The following PLEKHA4 variants were observed in gnomAD, a reference collection of about 807,000 sequenced individuals.
PLEKHA4 encodes the protein pleckstrin homology domain-containing family A member 4.
A neutral mutation model predicts 94.7 loss-of-function variants in PLEKHA4; 73 were observed. That is an observed-to-expected ratio of 0.77 (90% CI 0.64 to 0.94). The LOEUF is 0.94. Among genes scored for constraint, PLEKHA4 ranks in the 40% least tolerant of loss-of-function variants. The pLI is 0.00. For synonymous variants in PLEKHA4, 449 were observed against 437.1 expected (o/e 1.03, Z -0.34); for missense variants, 1,049 against 1,054.1 (o/e 1.00, Z 0.07).
chr19:48,858,849 T>C lies in PLEKHA4; in HGVS notation c.972+11A>G. ...GAAACGTAGTCCCCTCCTTCTCACC[T>C]CTCTGCTCACCTGTGTTCTGGGCTC... On this transcript the variant is annotated intron_variant, in intron 8 of 19. Transcript: ENST00000263265. The C allele has an allele frequency of 1.2e-6, 2 of 1,613,166 alleles. No individual in the cohort carries two copies. Among genetic ancestry groups the C allele is most frequent in the Non-Finnish European group, 1.7e-6 (2 of 1,179,730 alleles).
At chr19:48,862,985 G>A (rs2036701535) in intron 3 of PLEKHA4, among the ~76,000 whole-genome samples, 1 of 152,180 alleles carries the variant, frequency 6.6e-6, no homozygotes, top group African/African-American at 2.4e-5. Flanking sequence ...TGGAGCCTGA[G>A]ACACAGAGAG....
At chr19:48,861,549 A>G (rs2036640380) in intron 4 of PLEKHA4, 48 bp from the exon 5 acceptor site, 23 of 1,612,838 alleles carry the variant, frequency 1.4e-5, no homozygotes, top group Non-Finnish European at 1.9e-5. Flanking sequence ...TCAGAAGGCC[A>G]AGATGCTAGA....
chr19:48,861,068 C>G (rs1310689638), intron 5 of PLEKHA4, among the ~76,000 whole-genome samples: 1 of 151,908 alleles, frequency 6.6e-6, no homozygotes, highest in South Asian at 2.1e-4. Context: ...ATTAGCCAGG[C>G]GTGGTGGCGT....
intron 6 of PLEKHA4, 167 bp downstream of exon 6, chr19:48,860,183 T>C (rs1055943068): frequency 4.9e-6 from 3 of 612,670 alleles, no homozygotes; most frequent in Non-Finnish European, 8.6e-6. Flanking sequence ...GAAAGACTTT[T>C]GCTGATTGGA....
chr19:48,865,773 C>T lies in PLEKHA4; in HGVS notation c.85-163G>A, dbSNP rs796777717. Among the ~76,000 whole-genome samples, 69 of 152,036 alleles carry T rather than the reference C, an allele frequency of 4.5e-4. 1 individual carries two copies. The highest frequency in any genetic ancestry group is 1.2e-3 in the African/African-American group (49 of 41,482). ...CTCACACCTGTAATCCCAGCACTTT[C>T]GGAGGCTGAGACGGGTGGATCACGA... is the stretch of plus-strand genomic sequence containing the variant. On this transcript the variant is annotated intron_variant, in intron 2 of 19. Coordinates refer to ENST00000263265, the MANE Select transcript of PLEKHA4 (RefSeq NM_020904.3).
In PLEKHA4 at chr19:48,861,688, C is replaced by A. The variant is rs2036648073; in HGVS notation, c.197G>T (p.Ser66Ile). 1 of 1,613,686 alleles carries A rather than the reference C, an allele frequency of 6.2e-7. No individual in the cohort carries two copies. The highest frequency in any genetic ancestry group is 1.1e-5 in the South Asian group (1 of 91,066). Reference protein sequence around the residue: ...HIRGWLHKQDSSGLRLWKRRW... With the variant: ...HIRGWLHKQDISGLRLWKRRW... ...GCGTTTCCAGAGACGGAGCCCCGAG[C>A]TGTCCTGGGGAGAGAGATGGGAGGA... is the stretch of plus-strand genomic sequence containing the variant. The change falls in exon 4 of 20, where the codon AGC becomes ATC. Residue 66 changes from serine to isoleucine, a missense_variant. Coordinates refer to ENST00000263265, the MANE Select transcript of PLEKHA4 (RefSeq NM_020904.3).
chr19:48,867,725 A>G lies in PLEKHA4; in HGVS notation c.-6-99T>C. ...AGGTCGGAGGAGGCTGCAGAGAAAG[A>G]GCCTGTTGTTTCGGGACTTGGGGGG... On this transcript the variant is annotated intron_variant, in intron 1 of 19. Coordinates refer to ENST00000263265, the MANE Select transcript of PLEKHA4 (RefSeq NM_020904.3). This position sits in a 1 kb window ranked among gnomAD's most constrained non-coding sequence, Gnocchi z 4.7. 1.7e-6 allele frequency: 2 copies of G among 1,159,466 alleles called. No individual in the cohort carries two copies. The highest frequency in any genetic ancestry group is 2.5e-6 in the Non-Finnish European group (2 of 811,706). 71.8% of individuals were successfully genotyped at this position (1,159,466 alleles called of 1,614,324 possible). A position where few individuals can be genotyped will look rare whatever the true frequency, so the allele number is the denominator to read the frequency against.
At chr19:48,841,723 G>A (rs2035775959) in intron 16 of PLEKHA4, among the ~76,000 whole-genome samples, 2 of 152,152 alleles carry the variant, frequency 1.3e-5, no homozygotes, top group Middle Eastern at 3.4e-3. Flanking sequence ...GGGAGGCTGA[G>A]GTGGGAGGAT....
At chr19:48,841,403 G>C in intron 16 of PLEKHA4, 93 bp from the exon 17 acceptor site, 1 of 1,336,892 alleles carries the variant, frequency 7.5e-7, no homozygotes, top group Non-Finnish European at 9.9e-7. Context: ...GAGTAGAGAG[G>C]ATCACTTGAG....
Position 48,861,589 on chromosome 19 carries a change from CCCACCCCAAGCCAGCCAGCCAG to C in PLEKHA4, c.265+9_265+30del. The stretch of plus-strand genomic sequence containing the variant: ...AGGGCAGACTGGGCGGGGGGGCCCT[CCCACCCCAAGCCAGCCAGCCAG>C]CCACTGACCCTTGTAATAAAAGAGG... On this transcript the variant is annotated intron_variant, in intron 4 of 19. Transcript: ENST00000263265. 1 of 1,613,262 alleles carries C rather than the reference CCCACCCCAAGCCAGCCAGCCAG, an allele frequency of 6.2e-7. No homozygotes were observed. Among genetic ancestry groups the C allele is most frequent in the South Asian group, 1.1e-5 (1 of 91,052 alleles).
chr19:48,849,879 CA>C (rs1025716017), intron 13 of PLEKHA4, among the ~76,000 whole-genome samples: 184 of 152,234 alleles, frequency 1.2e-3, no homozygotes, highest in African/African-American at 4.2e-3. Flanking sequence ...GATTTAGAAC[CA>C]GGGGAGAGAG....
rs775480924 is a variant in PLEKHA4 at position 48,861,597 on chromosome 19, A to AAGCCAGCC, written c.265+15_265+22dup. ...CTGGGCGGGGGGGCCCTCCCACCCC[A>AAGCCAGCC]AGCCAGCCAGCCAGCCACTGACCCT... On this transcript the variant is annotated intron_variant, in intron 4 of 19. Transcript: ENST00000263265. The AAGCCAGCC allele has an allele frequency of 1.1e-5, 17 of 1,613,624 alleles. No homozygotes were observed. In the African/African-American group the frequency reaches 1.2e-4, roughly 11 times the overall value.
rs762603169 is a variant in PLEKHA4, at chr19:48,859,223, CA to C, written c.693-85del. 6.8e-4 allele frequency: 756 copies of C among 1,115,864 alleles called. 1 individual carries two copies. Among genetic ancestry groups the C allele is most frequent in the Non-Finnish European group, 7.6e-4 (596 of 779,820 alleles). The allele number at this position is 1,115,864 out of a possible 1,614,324, so 69.1% of individuals were successfully genotyped here. ...TTACCCATCAAGTCAGCCTCAAGGA[CA>C]TGTCTCACTTCACTGTGTCTTACTG... On this transcript the variant is annotated intron_variant, in intron 7 of 19. Transcript: ENST00000263265.
chr19:48,861,577 CG>C lies in PLEKHA4; in HGVS notation c.265+42del, dbSNP rs746800181. 1.6e-4 allele frequency: 257 copies of C among 1,608,702 alleles called. 1 individual carries two copies. The African/African-American group carries it at 3.1e-3, about 19-fold the overall frequency. The stretch of plus-strand genomic sequence containing the variant: ...ATGCTAGAGAGAAGGGCAGACTGGG[CG>C]GGGGGGCCCTCCCACCCCAAGCCAG... On this transcript the variant is annotated intron_variant, in intron 4 of 19. Transcript: ENST00000263265.
In PLEKHA4 at chr19:48,867,723, A is replaced by AG. The variant is rs1417982404; in HGVS notation, c.-6-98dup. 8.5e-7 allele frequency: 1 copy of AG among 1,175,858 alleles called. No individual in the cohort carries two copies. The highest frequency in any genetic ancestry group is 1.2e-6 in the Non-Finnish European group (1 of 823,998). The allele number at this position is 1,175,858 out of a possible 1,614,324, so 72.8% of individuals were successfully genotyped here. A position where few individuals can be genotyped will look rare whatever the true frequency, so the allele number is the denominator to read the frequency against. ...GGAGGTCGGAGGAGGCTGCAGAGAA[A>AG]GAGCCTGTTGTTTCGGGACTTGGGG... is the stretch of plus-strand genomic sequence containing the variant. On this transcript the variant is annotated intron_variant, in intron 1 of 19. Coordinates refer to ENST00000263265, the MANE Select transcript of PLEKHA4 (RefSeq NM_020904.3). This position sits in a 1 kb window ranked among gnomAD's most constrained non-coding sequence, Gnocchi z 4.7.
intron 3 of PLEKHA4, among the ~76,000 whole-genome samples, chr19:48,862,020 C>G (rs117328695): frequency 0.13 from 19,246 of 150,910 alleles, 1,515 homozygotes; most frequent in Non-Finnish European, 0.17. Flanking sequence ...CCAGCTACTC[C>G]GGAGGCTGAG....
In PLEKHA4 at chr19:48,837,392, GTGGGA is replaced by G; in HGVS notation, c.2232_2236del (p.Thr746LeufsTer95). 2 of 1,613,674 alleles carry G rather than the reference GTGGGA, an allele frequency of 1.2e-6. No individual in the cohort carries two copies. The highest frequency in any genetic ancestry group is 1.7e-6 in the Non-Finnish European group (2 of 1,179,940). The stretch of plus-strand genomic sequence containing the variant: ...GGCATCCCACGCGGGCCCCCAGGGG[GTGGGA>G]CCTCCTCCACGCCCACTCCCTCGGC... On this transcript the variant is annotated frameshift_variant, in exon 20 of 20. Transcript: ENST00000263265. LOFTEE classifies it low-confidence loss of function (END_TRUNC). The surrounding 1 kb of genome is among the most constrained non-coding windows in gnomAD (Gnocchi z 4.3).
chr19:48,860,668 G>A (rs1188845768), intron 5 of PLEKHA4, among the ~76,000 whole-genome samples: 1 of 151,960 alleles, frequency 6.6e-6, no homozygotes, highest in African/African-American at 2.4e-5. Flanking sequence ...TTAGCCGGAC[G>A]TGGTGGAGCG....
chr19:48,842,138 A>ATT (rs2035791192), intron 16 of PLEKHA4, among the ~76,000 whole-genome samples: 1 of 107,358 alleles, frequency 9.3e-6, no homozygotes, highest in African/African-American at 4.4e-5. Context: ...TTGTTAATTT[A>ATT]TTTTCTTTTT....
Sources: gnomAD v4.1 joint callset for allele counts (sites outside exome capture counted in the v4.1 genomes callset) on GRCh38, gnomAD v4.1.1 for gene constraint, Gnocchi (gnomAD v3.1) non-coding constraint, MANE v1.5 for transcripts, NCBI Gene and HGNC (gene_info 2026-07-23, HGNC 2026-07-21) for gene names.